TSHR: variants seen among roughly 807,000 people sequenced by gnomAD.
TSHR encodes thyrotropin receptor.
Under a neutral mutation model 64.1 loss-of-function variants are expected in TSHR, and 51 were observed. That is an observed-to-expected ratio of 0.80 (90% CI 0.64 to 1.01). The LOEUF is 1.01. TSHR is among the 50% of genes least tolerant of loss of function. The probability of loss-of-function intolerance (pLI) is 0.00; values close to 1 mark genes in which losing one functional copy is unlikely to be tolerated. For missense variants in TSHR, 877 were observed against 942.8 expected (o/e 0.93, Z 0.91); for synonymous variants, 361 against 361.9 (o/e 1.00, Z 0.03).
chr14:80,955,905 G>T (rs1377028761), intron 1 of TSHR, 55 bp downstream of exon 1: 2 of 1,611,822 alleles, frequency 1.2e-6, no homozygotes, highest in East Asian at 4.5e-5. Context: ...CATCTGCAGA[G>T]GTGGCCCGAA....
intron 1 of TSHR, among the ~76,000 whole-genome samples, chr14:81,045,945 G>A (rs945072622): frequency 4.6e-5 from 7 of 152,170 alleles, no homozygotes; most frequent in East Asian, 1.9e-4. Context: ...TGACAAATGG[G>A]CTTTTCTGGA....
intron 1 of TSHR, among the ~76,000 whole-genome samples, chr14:81,033,954 C>A (rs1330765239): frequency 3.3e-5 from 5 of 152,086 alleles, no homozygotes; most frequent in African/African-American, 9.7e-5. Flanking sequence ...TGTGCATATG[C>A]CTGGCAGAAA....
intron 3 of TSHR, among the ~76,000 whole-genome samples, chr14:81,076,584 C>T (rs1887519649): frequency 6.6e-6 from 1 of 152,084 alleles, no homozygotes; most frequent in Non-Finnish European, 1.5e-5. Flanking sequence ...CTTCCTTCAT[C>T]CTGATGCAAA....
At chr14:80,998,802 C>T (rs1006408075) in intron 1 of TSHR, among the ~76,000 whole-genome samples, 10 of 152,088 alleles carry the variant, frequency 6.6e-5, no homozygotes, top group Admixed American at 4.6e-4. Context: ...TTTTCCTCTT[C>T]TGGGCTATAA....
rs1035482225 is a variant in TSHR, at chr14:81,105,269, T to C, written c.615-3106T>C. 6.1e-6 allele frequency: 6 copies of C among 977,434 alleles called. No homozygotes were observed. In the Admixed American group the frequency reaches 1.8e-4, roughly 30 times the overall value. 60.5% of individuals were successfully genotyped at this position (977,434 alleles called of 1,614,324 possible). On this transcript the variant is annotated intron_variant, in intron 7 of 9. Transcript: ENST00000298171. ...GGAAATGTCATGTGATAAATGAGGT[T>C]GATGGAAGCACTTTCCTGGATATCA...
In TSHR at chr14:80,955,627, C is replaced by T; in HGVS notation, c.-54C>T. Reference sequence around the variant, plus strand: ...GCCTGGGGTAACCCGAGGTGCAGAGCTGAGAATGAGGCGATTTCGGAGGAT... The same window carrying T: ...GCCTGGGGTAACCCGAGGTGCAGAGTTGAGAATGAGGCGATTTCGGAGGAT... On this transcript the variant is annotated 5_prime_UTR_variant, in exon 1 of 10. Coordinates refer to ENST00000298171, the MANE Select transcript of TSHR (RefSeq NM_000369.5). The T allele has an allele frequency of 8.1e-6, 13 of 1,608,614 alleles. No individual in the cohort carries two copies. Among genetic ancestry groups the T allele is most frequent in the Non-Finnish European group, 1.1e-5 (13 of 1,176,708 alleles).
Position 81,086,868 on chromosome 14 carries a change from T to G in TSHR, c.318-1086T>G, listed in dbSNP as rs939145857. The stretch of plus-strand genomic sequence containing the variant: ...ATTCCATTTATATGAAATGTCCAGA[T>G]AAGGCAAATTTATAAAGAAAGAAAA... On this transcript the variant is annotated intron_variant, in intron 3 of 9. Coordinates refer to ENST00000298171, the MANE Select transcript of TSHR (RefSeq NM_000369.5). Among the ~76,000 whole-genome samples the G allele has an allele frequency of 6.3e-4, 96 of 152,350 alleles. 1 individual carries two copies. Among genetic ancestry groups the G allele is most frequent in the African/African-American group, 9.4e-4 (39 of 41,584 alleles).
chr14:81,084,201 A>G (rs1475443725), intron 3 of TSHR, among the ~76,000 whole-genome samples: 1 of 152,230 alleles, frequency 6.6e-6, no homozygotes, highest in Non-Finnish European at 1.5e-5. Context: ...AGAGCCTTGC[A>G]TATTTCCCCA....
At chr14:81,047,264 G>A (rs773725956) in intron 1 of TSHR, among the ~76,000 whole-genome samples, 4 of 150,356 alleles carry the variant, frequency 2.7e-5, no homozygotes, top group Non-Finnish European at 6.0e-5. Flanking sequence ...CTTTTTGGCC[G>A]TTTTTCAAAT....
chr14:81,026,435 T>C (rs1482927190), intron 1 of TSHR, among the ~76,000 whole-genome samples: 2 of 152,114 alleles, frequency 1.3e-5, no homozygotes, highest in East Asian at 3.9e-4. Flanking sequence ...GAAAAGGAAT[T>C]AACATAGGAT....
At chr14:81,032,817 A>C in intron 1 of TSHR, 1 of 389,488 alleles carries the variant, frequency 2.6e-6, no homozygotes, top group Non-Finnish European at 5.0e-6. Context: ...AGAGGCTGTT[A>C]AGATGCTAAG....
At chr14:81,118,288 G>C (rs1595143718) in intron 8 of TSHR, among the ~76,000 whole-genome samples, 1 of 90,086 alleles carries the variant, frequency 1.1e-5, no homozygotes, top group Non-Finnish European at 2.1e-5. Flanking sequence ...CATTGTCTCA[G>C]CCCAAAATCT....
At chr14:81,104,697 C>T (rs1165996789) in intron 7 of TSHR, 1 of 985,304 alleles carries the variant, frequency 1.0e-6, no homozygotes, top group African/African-American at 1.7e-5. Flanking sequence ...ATATTTTCCT[C>T]AGCTCATTCC....
At chr14:80,955,874 G>T (rs759562537) in intron 1 of TSHR, 24 bp downstream of exon 1, 3 of 1,614,024 alleles carry the variant, frequency 1.9e-6, no homozygotes, top group Non-Finnish European at 2.5e-6. Flanking sequence ...AGAGATCAGG[G>T]TAGGACCCAG....
chr14:80,959,860 TG>T (rs1173291032), intron 1 of TSHR, among the ~76,000 whole-genome samples: 5 of 152,258 alleles, frequency 3.3e-5, no homozygotes, highest in African/African-American at 1.2e-4. Flanking sequence ...CCATCTGTGC[TG>T]TTATTTACTC....
intron 9 of TSHR, among the ~76,000 whole-genome samples, chr14:81,140,093 G>A (rs1891623454): frequency 1.3e-5 from 2 of 152,178 alleles, no homozygotes; most frequent in African/African-American, 4.8e-5. Context: ...AGCAGAGGAG[G>A]TGACAGATGG....
At position 81,103,918 on chromosome 14, in the gene TSHR, A is replaced by G. The variant is rs1169102248; in HGVS notation, c.615-4457A>G. On this transcript the variant is annotated intron_variant, in intron 7 of 9. Transcript: ENST00000298171. The surrounding 1 kb of genome is among the most constrained non-coding windows in gnomAD (Gnocchi z 4.1). ...TACCATTTTGATATGCTAAGAGCCC[A>G]CCAATACACTAATTATTATGAACAG... is the stretch of plus-strand genomic sequence containing the variant. 3 of 985,326 alleles carry G rather than the reference A, an allele frequency of 3.0e-6. No individual in the cohort carries two copies. The highest frequency in any genetic ancestry group is 3.6e-6 in the Non-Finnish European group (3 of 829,908). 61.0% of individuals were successfully genotyped at this position (985,326 alleles called of 1,614,324 possible). A position where few individuals can be genotyped will look rare whatever the true frequency, so the allele number is the denominator to read the frequency against.
chr14:80,959,068 C>T (rs726019), intron 1 of TSHR, among the ~76,000 whole-genome samples: 25,355 of 152,058 alleles, frequency 0.17, 3,321 homozygotes, highest in African/African-American at 0.36. Flanking sequence ...TGCCCTACTA[C>T]CCATATCCCA....
chr14:81,117,615 A>G (rs1272980513), intron 8 of TSHR, among the ~76,000 whole-genome samples: 1 of 138,282 alleles, frequency 7.2e-6, no homozygotes, highest in East Asian at 2.5e-4. Context: ...AAATGGTACC[A>G]TTCCTTCTGA....
Sources: gnomAD v4.1 joint callset for allele counts (sites outside exome capture counted in the v4.1 genomes callset) on GRCh38, gnomAD v4.1.1 for gene constraint, Gnocchi (gnomAD v3.1) non-coding constraint, MANE v1.5 for transcripts, NCBI Gene and HGNC (gene_info 2026-07-23, HGNC 2026-07-21) for gene names.